Variants in RPH3AL observed in about 807,000 individuals in gnomAD.
RPH3AL encodes rabphilin 3A like (without C2 domains).
In RPH3AL, 38 loss-of-function variants were observed where a neutral mutation model predicts 43.1. The ratio of observed to expected loss-of-function variants is 0.88; its 90% CI spans 0.68 to 1.15. The LOEUF is 1.15. Among genes scored for constraint, RPH3AL ranks in the 50% most tolerant of loss-of-function variants. The pLI is 0.00. For missense variants in RPH3AL, 462 were observed against 423.2 expected (o/e 1.09, Z -0.81); for synonymous variants, 189 against 176.3 (o/e 1.07, Z -0.57).
At chr17:237,154 G>A (rs1226866498) in intron 7 of RPH3AL, among the ~76,000 whole-genome samples, 4 of 152,220 alleles carry the variant, frequency 2.6e-5, no homozygotes, top group African/African-American at 2.4e-5. Flanking sequence ...AAACATTTGC[G>A]GCCTGAGCTG....
chr17:281,246 T>A lies in RPH3AL; in HGVS notation c.438+522A>T, dbSNP rs148303735. ...ACAACGGCTGAGTTTGGTTTCCAGC[T>A]CCCCCACTAACTGGCTCTGTGCTTG... On this transcript the variant is annotated intron_variant, in intron 6 of 9. Transcript: ENST00000331302. Among the ~76,000 whole-genome samples the A allele has an allele frequency of 2.6e-4, 39 of 152,190 alleles. No homozygotes were observed. The East Asian group carries it at 7.4e-3, about 29-fold the overall frequency.
chr17:318,740 A>G (rs1259785725), intron 5 of RPH3AL, among the ~76,000 whole-genome samples: 1 of 152,204 alleles, frequency 6.6e-6, no homozygotes, highest in Non-Finnish European at 1.5e-5. Context: ...AAAGTCCTAG[A>G]CTCAATGCGA....
chr17:270,251 G>A (rs1311701905), intron 6 of RPH3AL, among the ~76,000 whole-genome samples: 4 of 152,308 alleles, frequency 2.6e-5, no homozygotes, highest in South Asian at 2.1e-4. Context: ...AAAGCTGTTT[G>A]CAGCAAAAAT....
intron 2 of RPH3AL, chr17:331,321 C>A: frequency 7.1e-5 from 6 of 84,962 alleles, no homozygotes; most frequent in Non-Finnish European, 1.3e-4. Flanking sequence ...TCAAGGGAGA[C>A]GGAAGGATGT....
chr17:301,081 G>A (rs566114883), intron 5 of RPH3AL, among the ~76,000 whole-genome samples: 1 of 152,266 alleles, frequency 6.6e-6, no homozygotes, highest in African/African-American at 2.4e-5. Context: ...CACTCTGTAG[G>A]GGCGCTGCCT....
intron 5 of RPH3AL, among the ~76,000 whole-genome samples, chr17:301,513 C>A (rs1004008179): frequency 1.3e-5 from 2 of 152,134 alleles, no homozygotes; most frequent in Non-Finnish European, 2.9e-5. Context: ...CCTTGTTGCC[C>A]GGGCTGGTCT....
intron 6 of RPH3AL, among the ~76,000 whole-genome samples, chr17:248,748 G>T (rs1480329355): frequency 2.6e-5 from 4 of 152,248 alleles, no homozygotes; most frequent in Non-Finnish European, 4.4e-5. Flanking sequence ...TGCTCGCTGT[G>T]TGGCTTTGAG....
intron 1 of RPH3AL, among the ~76,000 whole-genome samples, chr17:348,496 T>A (rs2045287852): frequency 6.6e-6 from 1 of 151,794 alleles, no homozygotes; most frequent in Non-Finnish European, 1.5e-5. Flanking sequence ...AACTCTGTAC[T>A]TTTTGTTCAA....
At chr17:350,660 C>CAGAAA (rs1555532255) in intron 1 of RPH3AL, among the ~76,000 whole-genome samples, 2 of 152,168 alleles carry the variant, frequency 1.3e-5, no homozygotes, top group Non-Finnish European at 1.5e-5. Context: ...AGCAGGCCCT[C>CAGAAA]ACAAAACAAA....
intron 5 of RPH3AL, among the ~76,000 whole-genome samples, chr17:316,489 C>G (rs200200897): frequency 8.7e-6 from 1 of 114,518 alleles, no homozygotes; most frequent in Non-Finnish European, 1.8e-5. Flanking sequence ...CCCACCTCCA[C>G]TGACCTGTAG....
chr17:262,928 C>T lies in RPH3AL; in HGVS notation c.439-15643G>A, dbSNP rs80010101. Among the ~76,000 whole-genome samples, 269 of 152,340 alleles carry T rather than the reference C, an allele frequency of 1.8e-3. 1 individual carries two copies. Among genetic ancestry groups the T allele is most frequent in the African/African-American group, 6.0e-3 (250 of 41,582 alleles). On this transcript the variant is annotated intron_variant, in intron 6 of 9. Coordinates refer to ENST00000331302, the MANE Select transcript of RPH3AL (RefSeq NM_006987.4). ...TGTGTTTTCCCCTCTCCTCTGCCCA[C>T]GACTGGCTCTGGTGCTTCCCCACGT...
chr17:330,704 C>T (rs915484889), intron 2 of RPH3AL, among the ~76,000 whole-genome samples: 12 of 152,020 alleles, frequency 7.9e-5, no homozygotes, highest in South Asian at 2.1e-4. Flanking sequence ...GGAGAAACCC[C>T]GTCTCCACTA....
At chr17:234,730 G>A (rs75940023) in intron 7 of RPH3AL, 12,418 of 153,012 alleles carry the variant, frequency 0.081, 649 homozygotes, top group Middle Eastern at 0.14. Flanking sequence ...GAGAATTCAC[G>A]TACCGCGGCT....
At position 281,857 on chromosome 17, in the gene RPH3AL, A is replaced by G; in HGVS notation, c.352-3T>C. 6.2e-7 allele frequency: 1 copy of G among 1,612,840 alleles called. No homozygotes were observed. The highest frequency in any genetic ancestry group is 8.5e-7 in the Non-Finnish European group (1 of 1,178,988). ...ATCCCACATTTGGTGCAGACTTTCT[A>G]CAAGAGAGAGGACATGGGGTTGTAA... On this transcript the variant is annotated splice_polypyrimidine_tract_variant and splice_region_variant and intron_variant, in intron 5 of 9. Coordinates refer to ENST00000331302, the MANE Select transcript of RPH3AL (RefSeq NM_006987.4).
chr17:217,434 C>T (rs9890343), intron 8 of RPH3AL, among the ~76,000 whole-genome samples: 4,449 of 14,798 alleles, frequency 0.3, 1,453 homozygotes, highest in Middle Eastern at 0.5. Context: ...TCTTCTGTGC[C>T]AAAATTGGCC....
chr17:243,384 GATT>G, intron 7 of RPH3AL, among the ~76,000 whole-genome samples: 1 of 131,398 alleles, frequency 7.6e-6, no homozygotes, highest in African/African-American at 3.0e-5. Flanking sequence ...TTCCTCTATT[GATT>G]ACCTTCCTCT....
At chr17:233,445 G>A (rs1003500843) in intron 7 of RPH3AL, among the ~76,000 whole-genome samples, 5 of 152,200 alleles carry the variant, frequency 3.3e-5, no homozygotes, top group Non-Finnish European at 7.3e-5. Flanking sequence ...CCCTGTGGGG[G>A]CTGGGCCTGT....
At chr17:315,133 G>GA (rs1204759095) in intron 5 of RPH3AL, among the ~76,000 whole-genome samples, 39 of 115,096 alleles carry the variant, frequency 3.4e-4, no homozygotes, top group Admixed American at 4.3e-4. Context: ...TAGTCTCTGT[G>GA]CTCCACCTCC....
intron 1 of RPH3AL, among the ~76,000 whole-genome samples, chr17:336,551 G>A (rs1204093837): frequency 6.6e-6 from 1 of 152,102 alleles, no homozygotes; most frequent in African/African-American, 2.4e-5. Flanking sequence ...CCCAGACCGT[G>A]GCAAATCTTC....
Sources: allele counts gnomAD v4.1 joint callset (sites outside exome capture counted in the v4.1 genomes callset), GRCh38; gene constraint gnomAD v4.1.1; transcripts MANE v1.5; gene names NCBI Gene and HGNC (gene_info 2026-07-23, HGNC 2026-07-21).